NALCN: variants seen among roughly 807,000 people sequenced by gnomAD.
NALCN encodes the protein sodium leak channel, non-selective, also known as sodium leak channel NALCN.
In NALCN, 111 loss-of-function variants were observed where a neutral mutation model predicts 225.3. That is an observed-to-expected ratio of 0.49 (90% CI 0.42 to 0.58). The LOEUF (loss-of-function observed/expected upper bound fraction) is 0.58. Among genes scored for constraint, NALCN ranks in the 20% least tolerant of loss-of-function variants. The probability of loss-of-function intolerance (pLI) is 0.00; values close to 1 mark genes in which losing one functional copy is unlikely to be tolerated. For missense variants in NALCN, 1,378 were observed against 2,202.4 expected (o/e 0.63, Z 7.49); for synonymous variants, 764 against 769.0 (o/e 0.99, Z 0.11).
intron 17 of NALCN, among the ~76,000 whole-genome samples, chr13:101,125,462 C>T (rs1283366295): frequency 6.6e-6 from 1 of 152,130 alleles, no homozygotes; most frequent in African/African-American, 2.4e-5. Context: ...GAGACCTGTT[C>T]ATTTTGATCA....
At chr13:101,399,392 C>G (rs1451272900) in intron 1 of NALCN, among the ~76,000 whole-genome samples, 1 of 152,076 alleles carries the variant, frequency 6.6e-6, no homozygotes. Flanking sequence ...ACTTCAAAAG[C>G]AGTTTAGAGG....
intron 7 of NALCN, among the ~76,000 whole-genome samples, chr13:101,333,102 T>C (rs1303256720): frequency 1.3e-5 from 2 of 152,244 alleles, no homozygotes; most frequent in African/African-American, 2.4e-5. Context: ...TATGAGTACA[T>C]CTCATTCTTC....
chr13:101,100,686 C>G, intron 27 of NALCN, 98 bp downstream of exon 27: 1 of 973,418 alleles, frequency 1.0e-6, no homozygotes, highest in Non-Finnish European at 1.5e-6. Context: ...TTCAAGTAAT[C>G]TTCCCTCCTT....
At chr13:101,401,570 AC>A (rs2047480637) in intron 1 of NALCN, among the ~76,000 whole-genome samples, 1 of 152,208 alleles carries the variant, frequency 6.6e-6, no homozygotes, top group African/African-American at 2.4e-5. Context: ...TCAATACGCC[AC>A]CTAAAGCAAA....
chr13:101,354,501 T>C (rs1283635987), intron 6 of NALCN, among the ~76,000 whole-genome samples: 1 of 152,170 alleles, frequency 6.6e-6, no homozygotes, highest in Non-Finnish European at 1.5e-5. Context: ...TTTTCTCCTT[T>C]TGCCTTAGGA....
intron 30 of NALCN, among the ~76,000 whole-genome samples, chr13:101,084,227 T>G (rs544541447): frequency 6.6e-6 from 1 of 152,338 alleles, no homozygotes; most frequent in East Asian, 1.9e-4. Flanking sequence ...ATGTCTAATA[T>G]GTGCAATTGC....
At position 101,258,583 on chromosome 13, in the gene NALCN, G is replaced by T. The variant is rs1444226490; in HGVS notation, c.1135-9C>A. ...GATGACCGCATCATTTTCTGAGGGG[G>T]CGAAACAGACAGACTCTTAACAAAG... On this transcript the variant is annotated splice_polypyrimidine_tract_variant and intron_variant, in intron 10 of 43. Transcript: ENST00000251127. 3 of 1,614,086 alleles carry T rather than the reference G, an allele frequency of 1.9e-6. No homozygotes were observed. The highest frequency in any genetic ancestry group is 2.5e-6 in the Non-Finnish European group (3 of 1,180,010).
intron 30 of NALCN, among the ~76,000 whole-genome samples, chr13:101,085,788 T>A (rs2033901016): frequency 6.6e-6 from 1 of 152,196 alleles, no homozygotes; most frequent in Non-Finnish European, 1.5e-5. Context: ...ATTTTGCTTT[T>A]CATATTGAAG....
intron 6 of NALCN, among the ~76,000 whole-genome samples, chr13:101,349,985 CA>C (rs1457731641): frequency 6.6e-6 from 1 of 152,192 alleles, no homozygotes; most frequent in Non-Finnish European, 1.5e-5. Flanking sequence ...ACTTCTCCCT[CA>C]ACCCTCATAA....
At chr13:101,349,702 A>T (rs1246979780) in intron 6 of NALCN, among the ~76,000 whole-genome samples, 1 of 151,900 alleles carries the variant, frequency 6.6e-6, no homozygotes, top group African/African-American at 2.4e-5. Context: ...TCTGTCTTTG[A>T]CCTTTCTCTT....
At chr13:101,066,959 C>T (rs1225822985) in intron 39 of NALCN, among the ~76,000 whole-genome samples, 1 of 152,126 alleles carries the variant, frequency 6.6e-6, no homozygotes, top group Admixed American at 6.5e-5. Context: ...GGCGCAGCCC[C>T]AACCCCAACT....
intron 7 of NALCN, among the ~76,000 whole-genome samples, chr13:101,325,483 G>A (rs978288031): frequency 5.3e-5 from 8 of 152,158 alleles, no homozygotes; most frequent in African/African-American, 1.9e-4. Context: ...ACAGCCAGCT[G>A]CTGTCCCTTG....
intron 2 of NALCN, among the ~76,000 whole-genome samples, chr13:101,397,564 A>G (rs1461867130): frequency 6.6e-6 from 1 of 151,320 alleles, no homozygotes; most frequent in Non-Finnish European, 1.5e-5. Flanking sequence ...CATATATGTT[A>G]ACACATATAA....
intron 15 of NALCN, among the ~76,000 whole-genome samples, chr13:101,172,539 G>T (rs1365444126): frequency 6.6e-6 from 1 of 152,082 alleles, no homozygotes; most frequent in Non-Finnish European, 1.5e-5. Context: ...CCTACTGAGT[G>T]TTGCATGTTA....
At chr13:101,172,846 T>C (rs1274529549) in intron 15 of NALCN, among the ~76,000 whole-genome samples, 1 of 152,140 alleles carries the variant, frequency 6.6e-6, no homozygotes, top group East Asian at 1.9e-4. Context: ...GGATTACAGG[T>C]GTGAGCCACC....
At chr13:101,098,214 A>C (rs1235549462) in intron 27 of NALCN, among the ~76,000 whole-genome samples, 3 of 152,142 alleles carry the variant, frequency 2.0e-5, no homozygotes, top group African/African-American at 4.8e-5. Context: ...TTGGAAGCAC[A>C]ATTTCCCATG....
At chr13:101,215,972 G>C (rs1931083) in intron 13 of NALCN, among the ~76,000 whole-genome samples, 38,316 of 151,854 alleles carry the variant, frequency 0.25, 5,060 homozygotes, top group East Asian at 0.37. Flanking sequence ...CTATTCACAG[G>C]AATGACAGCC....
intron 7 of NALCN, among the ~76,000 whole-genome samples, chr13:101,339,669 G>A (rs141606065): frequency 3.6e-3 from 548 of 152,224 alleles, no homozygotes; most frequent in Middle Eastern, 0.027. Context: ...GTTGAAAGGC[G>A]CTGAAAGGGA....
rs9585644 is a variant in NALCN at position 101,179,005 on chromosome 13, G to A, written c.1765-2631C>T. Among the ~76,000 whole-genome samples the A allele has an allele frequency of 8.5e-3, 1,298 of 152,284 alleles. 18 individuals carry two copies. The highest frequency in any genetic ancestry group is 0.03 in the African/African-American group (1,235 of 41,562). ...AATTATATCCCCCAAACTGGACAGA[G>A]GGCAGGCTACTTAAGGACAGCAAGG... On this transcript the variant is annotated intron_variant, in intron 14 of 43. Coordinates refer to ENST00000251127, the MANE Select transcript of NALCN (RefSeq NM_052867.4).
Sources: allele counts gnomAD v4.1 joint callset (sites outside exome capture counted in the v4.1 genomes callset), GRCh38; gene constraint gnomAD v4.1.1; transcripts MANE v1.5; gene names NCBI Gene and HGNC (gene_info 2026-07-23, HGNC 2026-07-21).